PBX3: variants seen among roughly 807,000 people sequenced by gnomAD.
The protein encoded by PBX3 is PBX homeobox 3.
A neutral mutation model predicts 48.5 loss-of-function variants in PBX3; 14 were observed. The observed-to-expected ratio is 0.29, with a 90% CI of 0.19 to 0.45. PBX3 has a LOEUF of 0.45. PBX3 is among the 20% of genes least tolerant of loss of function. The pLI, the probability that PBX3 is intolerant of heterozygous loss-of-function variation, is 1.00. For missense variants in PBX3, 386 were observed against 546.7 expected (o/e 0.71, Z 2.93); for synonymous variants, 210 against 200.3 (o/e 1.05, Z -0.41).
intron 2 of PBX3, among the ~76,000 whole-genome samples, chr9:125,840,394 A>G (rs1839256529): frequency 6.6e-6 from 1 of 151,698 alleles, no homozygotes; most frequent in African/African-American, 2.4e-5. Context: ...ATTGTTTCTT[A>G]TGGGCAGTGT....
At chr9:125,795,825 ATTTC>A (rs1301651155) in intron 2 of PBX3, among the ~76,000 whole-genome samples, 3 of 152,326 alleles carry the variant, frequency 2.0e-5, no homozygotes, top group Non-Finnish European at 4.4e-5. Flanking sequence ...TTAGAAAATG[ATTTC>A]TTTAAGTGGT....
In PBX3 at chr9:125,796,201, C is replaced by A. The variant is rs544729772; in HGVS notation, c.274+47578C>A. 2.2e-3 allele frequency among the ~76,000 whole-genome samples: 332 copies of A among 152,312 alleles called. 1 individual carries two copies. Among genetic ancestry groups the A allele is most frequent in the African/African-American group, 7.6e-3 (316 of 41,572 alleles). ...ACTGCCCAGGGTTAAAGTCCAGCGC[C>A]ACAGAAAGTGGATCTTCACCTTTCT... On this transcript the variant is annotated intron_variant, in intron 2 of 8. Transcript: ENST00000373489.
chr9:125,870,669 A>G lies in PBX3; in HGVS notation c.275-45017A>G, dbSNP rs920247007. 3.3e-5 allele frequency among the ~76,000 whole-genome samples: 5 copies of G among 152,210 alleles called. No homozygotes were observed. In the South Asian group the frequency reaches 1.0e-3, roughly 32 times the overall value. On this transcript the variant is annotated intron_variant, in intron 2 of 8. Transcript: ENST00000373489. The stretch of plus-strand genomic sequence containing the variant: ...CAGCCAAACCCTATCACCATGTAAA[A>G]TAATATCTAATTTGTAGAGATTAAA...
At chr9:125,780,815 C>T (rs1470090707) in intron 2 of PBX3, among the ~76,000 whole-genome samples, 21 of 146,660 alleles carry the variant, frequency 1.4e-4, no homozygotes, top group Non-Finnish European at 2.3e-4. Context: ...GGCTGCCGGG[C>T]GGAGACGCTC....
intron 2 of PBX3, among the ~76,000 whole-genome samples, chr9:125,752,544 C>T (rs1836403092): frequency 6.6e-6 from 1 of 152,036 alleles, no homozygotes; most frequent in Non-Finnish European, 1.5e-5. Flanking sequence ...GTGTGACTAG[C>T]TTTCAAAGAG....
At chr9:125,847,891 CT>C (rs1299018074) in intron 2 of PBX3, among the ~76,000 whole-genome samples, 5 of 151,882 alleles carry the variant, frequency 3.3e-5, no homozygotes, top group African/African-American at 1.2e-4. Context: ...GCTATCTCCC[CT>C]AATAGCTTTT....
intron 5 of PBX3, 111 bp from the exon 6 acceptor site, chr9:125,960,573 C>A: frequency 1.1e-6 from 1 of 897,966 alleles, no homozygotes; most frequent in Non-Finnish European, 1.8e-6. Flanking sequence ...AGGTTGCAGG[C>A]TAGGAATTGT....
chr9:125,850,462 G>A (rs1021946472), intron 2 of PBX3, among the ~76,000 whole-genome samples: 6 of 151,960 alleles, frequency 3.9e-5, no homozygotes, highest in African/African-American at 1.4e-4. Context: ...TTTGCCTTTT[G>A]AAAACATAGT....
At chr9:125,927,950 G>A (rs1429528940) in intron 3 of PBX3, among the ~76,000 whole-genome samples, 1 of 152,124 alleles carries the variant, frequency 6.6e-6, no homozygotes, top group Non-Finnish European at 1.5e-5. Context: ...GGAGGCTGAG[G>A]CAGGTGGATT....
At chr9:125,809,259 C>T (rs1838217118) in intron 2 of PBX3, among the ~76,000 whole-genome samples, 1 of 152,116 alleles carries the variant, frequency 6.6e-6, no homozygotes, top group Non-Finnish European at 1.5e-5. Context: ...CAAAAGTGCC[C>T]TGAGGGTTGA....
At chr9:125,869,852 T>C (rs1345723073) in intron 2 of PBX3, among the ~76,000 whole-genome samples, 1 of 152,160 alleles carries the variant, frequency 6.6e-6, no homozygotes, top group Non-Finnish European at 1.5e-5. Flanking sequence ...GTATTGACCA[T>C]GTAAAAATTT....
intron 2 of PBX3, among the ~76,000 whole-genome samples, chr9:125,858,167 C>G (rs953094278): frequency 6.6e-6 from 1 of 152,090 alleles, no homozygotes; most frequent in Non-Finnish European, 1.5e-5. Context: ...AGTTCAAGAC[C>G]AGCCTGGGCA....
chr9:125,918,168 G>T lies in PBX3; in HGVS notation c.516+2241G>T, dbSNP rs1841376119. On this transcript the variant is annotated intron_variant, in intron 3 of 8. Coordinates refer to ENST00000373489, the MANE Select transcript of PBX3 (RefSeq NM_006195.6). ...CTGAGTTTTTTGGCTGAGGAATTAA[G>T]GTGATTCCTTACTACCTCTTGCCAT... Among the ~76,000 whole-genome samples the T allele has an allele frequency of 1.3e-5, 2 of 152,072 alleles. 1 individual carries two copies. The highest frequency in any genetic ancestry group is 4.1e-4 in the South Asian group (2 of 4,826).
intron 2 of PBX3, among the ~76,000 whole-genome samples, chr9:125,803,977 A>G (rs10986933): frequency 0.02 from 3,068 of 152,310 alleles, 174 homozygotes; most frequent in East Asian, 0.17. Context: ...GTGTAAAAGA[A>G]GAGCAGGCTT....
At chr9:125,961,941 C>T in intron 6 of PBX3, among the ~76,000 whole-genome samples, 161 bp from the exon 7 acceptor site, 1 of 152,214 alleles carries the variant, frequency 6.6e-6, no homozygotes, top group East Asian at 1.9e-4. Flanking sequence ...TCACAGGACC[C>T]AACTCTCTGG....
At chr9:125,828,529 A>G (rs543936203) in intron 2 of PBX3, among the ~76,000 whole-genome samples, 1 of 152,284 alleles carries the variant, frequency 6.6e-6, no homozygotes, top group South Asian at 2.1e-4. Context: ...GTCATTTAAG[A>G]AAATGCAAGA....
At chr9:125,949,631 G>A (rs1842145506) in intron 5 of PBX3, among the ~76,000 whole-genome samples, 1 of 152,106 alleles carries the variant, frequency 6.6e-6, no homozygotes, top group African/African-American at 2.4e-5. Context: ...TTGAGGATAG[G>A]TATACCCACT....
chr9:125,804,466 T>A (rs1838059792), intron 2 of PBX3, among the ~76,000 whole-genome samples: 1 of 152,174 alleles, frequency 6.6e-6, no homozygotes, highest in South Asian at 2.1e-4. Context: ...AACCATTTTC[T>A]AGGGACACCG....
chr9:125,801,893 T>A (rs1837960861), intron 2 of PBX3, among the ~76,000 whole-genome samples: 1 of 151,844 alleles, frequency 6.6e-6, no homozygotes, highest in African/African-American at 2.4e-5. Context: ...AACTCCAGTG[T>A]ATATTTCATT....
Sources: allele counts gnomAD v4.1 joint callset (sites outside exome capture counted in the v4.1 genomes callset), GRCh38; gene constraint gnomAD v4.1.1; transcripts MANE v1.5; gene names NCBI Gene and HGNC (gene_info 2026-07-23, HGNC 2026-07-21).